ROCK2: variants seen among roughly 807,000 people sequenced by gnomAD.
The protein encoded by ROCK2 is Rho associated coiled-coil containing protein kinase 2.
ROCK2 carries 61 observed loss-of-function variants against 195.1 expected under a neutral mutation model. The observed-to-expected ratio is 0.31, with a 90% CI of 0.25 to 0.39. ROCK2 has a LOEUF of 0.39. ROCK2 is among the 10% of genes least tolerant of loss of function. The pLI, the probability that ROCK2 is intolerant of heterozygous loss-of-function variation, is 1.00. For synonymous variants in ROCK2, 504 were observed against 545.5 expected (o/e 0.92, Z 1.06); for missense variants, 1,109 against 1,637.4 (o/e 0.68, Z 5.57).
At chr2:11,211,913 T>A (rs895830734) in intron 17 of ROCK2, 73 bp from the exon 18 acceptor site, 3 of 1,276,066 alleles carry the variant, frequency 2.4e-6, no homozygotes, top group Non-Finnish European at 3.2e-6. Flanking sequence ...TTCTAATTTT[T>A]TTTTTTTTTT....
chr2:11,292,283 T>C (rs1270154346), intron 1 of ROCK2, among the ~76,000 whole-genome samples: 4 of 152,174 alleles, frequency 2.6e-5, no homozygotes, highest in African/African-American at 9.6e-5. Context: ...TAATACAGCA[T>C]ATATTATTAA....
chr2:11,315,440 T>A (rs977829728), intron 1 of ROCK2, among the ~76,000 whole-genome samples: 3 of 151,912 alleles, frequency 2.0e-5, no homozygotes, highest in Non-Finnish European at 4.4e-5. Flanking sequence ...AGTTTAAAAT[T>A]TTTTTAATTA....
chr2:11,242,471 G>A (rs1426773201), intron 4 of ROCK2, among the ~76,000 whole-genome samples: 2 of 152,172 alleles, frequency 1.3e-5, no homozygotes, highest in African/African-American at 4.8e-5. Context: ...CCAAGTGAGA[G>A]AGGAGGGACG....
intron 6 of ROCK2, 115 bp from the exon 7 acceptor site, chr2:11,224,575 A>T: frequency 2.3e-6 from 2 of 865,472 alleles, no homozygotes; most frequent in Non-Finnish European, 3.7e-6. Context: ...AAGAACAAAT[A>T]TTCTACGGGC....
chr2:11,228,653 AAT>A (rs1664894621), intron 5 of ROCK2, among the ~76,000 whole-genome samples: 1 of 152,120 alleles, frequency 6.6e-6, no homozygotes, highest in Admixed American at 6.5e-5. Flanking sequence ...GGAAAAAATC[AAT>A]AGAGGCTTAT....
intron 1 of ROCK2, among the ~76,000 whole-genome samples, chr2:11,306,045 A>T (rs1667848935): frequency 6.6e-6 from 1 of 152,186 alleles, no homozygotes; most frequent in South Asian, 2.1e-4. Context: ...AAGACTGGGG[A>T]ACTGTTCCAG....
intron 1 of ROCK2, among the ~76,000 whole-genome samples, chr2:11,307,191 C>T (rs1295498627): frequency 1.3e-5 from 2 of 152,248 alleles, no homozygotes; most frequent in Non-Finnish European, 2.9e-5. Context: ...ATGGTTTCTA[C>T]ACATGAAGTA....
intron 1 of ROCK2, among the ~76,000 whole-genome samples, chr2:11,292,019 T>C (rs1483136642): frequency 2.0e-5 from 3 of 152,114 alleles, no homozygotes; most frequent in African/African-American, 7.2e-5. Flanking sequence ...GACTGGTAAA[T>C]CAACCTTATT....
rs373116925 is a variant in ROCK2 at position 11,331,756 on chromosome 2, C to T, written c.141+12240G>A. The stretch of plus-strand genomic sequence containing the variant: ...CCTGGCCAACATAGTGAAACCCTGT[C>T]TCTGCTAAAAATACAAAAAATTAGC... On this transcript the variant is annotated intron_variant, in intron 1 of 32. Transcript: ENST00000315872. 3.9e-5 allele frequency among the ~76,000 whole-genome samples: 6 copies of T among 152,126 alleles called. No individual in the cohort carries two copies. In the East Asian group the frequency reaches 9.6e-4, roughly 24 times the overall value.
Position 11,201,285 on chromosome 2 carries a change from A to C in ROCK2, c.2723+25T>G. The C allele has an allele frequency of 6.4e-7, 1 of 1,554,468 alleles. No individual in the cohort carries two copies. ...GAGCAAAGTATACAGCTATGAACAA[A>C]AAGAGACAAGGGTCTCATACTTACC... On this transcript the variant is annotated intron_variant, in intron 22 of 32. Transcript: ENST00000315872. This position sits in a 1 kb window ranked among gnomAD's most constrained non-coding sequence, Gnocchi z 4.6.
In ROCK2 at chr2:11,201,440, C is replaced by A. The variant is rs368910741; in HGVS notation, c.2620-27G>T. ...TAAATAGCAAAATACAACAGAAATG[C>A]GTATCATCATCAGAAATATTACTTC... On this transcript the variant is annotated intron_variant, in intron 21 of 32. Transcript: ENST00000315872. The surrounding 1 kb of genome is among the most constrained non-coding windows in gnomAD (Gnocchi z 4.6). 7.8e-6 allele frequency: 9 copies of A among 1,149,996 alleles called. No individual in the cohort carries two copies. Among genetic ancestry groups the A allele is most frequent in the African/African-American group, 1.5e-5 (1 of 65,926 alleles). 71.2% of individuals were successfully genotyped at this position (1,149,996 alleles called of 1,614,324 possible). A position where few individuals can be genotyped will look rare whatever the true frequency, so the allele number is the denominator to read the frequency against.
At chr2:11,325,194 C>A (rs1474087291) in intron 1 of ROCK2, among the ~76,000 whole-genome samples, 2 of 152,276 alleles carry the variant, frequency 1.3e-5, no homozygotes, top group East Asian at 1.9e-4. Flanking sequence ...GTCAGTTCTC[C>A]TTATCCGTGA....
intron 3 of ROCK2, among the ~76,000 whole-genome samples, chr2:11,258,608 A>T (rs1305618725): frequency 6.6e-6 from 1 of 151,234 alleles, no homozygotes; most frequent in Non-Finnish European, 1.5e-5. Flanking sequence ...AGCCAAGGGG[A>T]AGAAAACAAG....
At chr2:11,312,118 CAT>C (rs1668054881) in intron 1 of ROCK2, among the ~76,000 whole-genome samples, 2 of 152,232 alleles carry the variant, frequency 1.3e-5, no homozygotes, top group South Asian at 2.1e-4. Flanking sequence ...TATTGAAAAA[CAT>C]ATTTTTCATT....
chr2:11,306,949 T>A (rs954123575), intron 1 of ROCK2, among the ~76,000 whole-genome samples: 3 of 152,166 alleles, frequency 2.0e-5, no homozygotes, highest in Non-Finnish European at 2.9e-5. Context: ...AAAGCAGGTT[T>A]TCTTGGGGGA....
At position 11,235,418 on chromosome 2, in the gene ROCK2, C is replaced by T. The variant is rs139438647; in HGVS notation, c.723+284G>A. 2.8e-3 allele frequency among the ~76,000 whole-genome samples: 432 copies of T among 152,096 alleles called. 1 individual carries two copies. The highest frequency in any genetic ancestry group is 9.2e-3 in the African/African-American group (382 of 41,512). Reference sequence around the variant, plus strand: ...CTTCACCTAAATTATACATATGAACCGGTTTTGATTGGTAGCAAATGCTTG... The same window carrying T: ...CTTCACCTAAATTATACATATGAACTGGTTTTGATTGGTAGCAAATGCTTG... On this transcript the variant is annotated intron_variant, in intron 5 of 32. Transcript: ENST00000315872. This position sits in a 1 kb window ranked among gnomAD's most constrained non-coding sequence, Gnocchi z 4.2.
intron 1 of ROCK2, among the ~76,000 whole-genome samples, chr2:11,331,843 G>C (rs1044976089): frequency 2.0e-5 from 3 of 152,000 alleles, no homozygotes; most frequent in Non-Finnish European, 4.4e-5. Context: ...GGAGACTCAC[G>C]TGAACCTGGG....
intron 3 of ROCK2, among the ~76,000 whole-genome samples, chr2:11,264,569 C>T (rs1053514709): frequency 6.6e-6 from 1 of 152,114 alleles, no homozygotes; most frequent in Non-Finnish European, 1.5e-5. Context: ...GACACATCTT[C>T]ATGAAGATGT....
chr2:11,231,299 G>A, intron 5 of ROCK2, among the ~76,000 whole-genome samples: 1 of 152,012 alleles, frequency 6.6e-6, no homozygotes, highest in East Asian at 1.9e-4. Context: ...CGCCTCCTGG[G>A]TTCAAGCGAT....
Sources: gnomAD v4.1 joint callset for allele counts (sites outside exome capture counted in the v4.1 genomes callset) on GRCh38, gnomAD v4.1.1 for gene constraint, Gnocchi (gnomAD v3.1) non-coding constraint, MANE v1.5 for transcripts, NCBI Gene and HGNC (gene_info 2026-07-23, HGNC 2026-07-21) for gene names.